Variants in DLG2 observed in about 807,000 individuals in gnomAD.
DLG2 encodes disks large homolog 2.
A neutral mutation model predicts 132.5 loss-of-function variants in DLG2; 45 were observed. That is an observed-to-expected ratio of 0.34 (90% CI 0.27 to 0.44). The LOEUF (loss-of-function observed/expected upper bound fraction) is 0.44, where lower values mean the gene tolerates loss of function less well. DLG2 is among the 20% of genes least tolerant of loss of function. The probability of loss-of-function intolerance (pLI) is 1.00; values close to 1 mark genes in which losing one functional copy is unlikely to be tolerated. For missense variants in DLG2, 1,045 were observed against 1,196.9 expected (o/e 0.87, Z 1.87); for synonymous variants, 424 against 419.6 (o/e 1.01, Z -0.13).
chr11:84,238,943 G>A (rs142253885), intron 8 of DLG2, among the ~76,000 whole-genome samples: 1 of 152,060 alleles, frequency 6.6e-6, no homozygotes, highest in Non-Finnish European at 1.5e-5. Context: ...AAACTATAAA[G>A]AGCCAATAAA....
chr11:84,447,933 G>T (rs891622227), intron 7 of DLG2, among the ~76,000 whole-genome samples: 8 of 152,240 alleles, frequency 5.3e-5, no homozygotes, highest in South Asian at 2.1e-4. Context: ...AAAATATCAA[G>T]CCAGCAGTCA....
At position 84,307,695 on chromosome 11, in the gene DLG2, C is replaced by CAAAAA. The variant is rs1222486667; in HGVS notation, c.520-56409_520-56405dup. On this transcript the variant is annotated intron_variant, in intron 7 of 27. Coordinates refer to ENST00000376104, the MANE Select transcript of DLG2 (RefSeq NM_001142699.3). Reference sequence around the variant, plus strand: ...TGGGTGAAAGAGCGAGACGCAGTCTCAAAAAAAAAAAAAAAAAAAAAGAAG... The same window carrying CAAAAA: ...TGGGTGAAAGAGCGAGACGCAGTCTCAAAAAAAAAAAAAAAAAAAAAAAAAAGAAG... 1.2e-3 allele frequency among the ~76,000 whole-genome samples: 91 copies of CAAAAA among 77,966 alleles called. 1 individual carries two copies. The highest frequency in any genetic ancestry group is 3.2e-3 in the African/African-American group (60 of 18,498). 51.1% of individuals were successfully genotyped at this position (77,966 alleles called of 152,430 possible).
At chr11:84,274,154 G>A (rs2097763293) in intron 7 of DLG2, among the ~76,000 whole-genome samples, 1 of 152,102 alleles carries the variant, frequency 6.6e-6, no homozygotes, top group South Asian at 2.1e-4. Context: ...ACAGAATTTA[G>A]GGACATATTC....
intron 9 of DLG2, among the ~76,000 whole-genome samples, chr11:84,133,891 A>C (rs564781018): frequency 6.6e-6 from 1 of 152,206 alleles, no homozygotes; most frequent in South Asian, 2.1e-4. Context: ...AGCCTGGGTA[A>C]GTCCTTGTAA....
chr11:85,595,365 ATAT>A (rs1170183790), intron 3 of DLG2, among the ~76,000 whole-genome samples: 1 of 152,166 alleles, frequency 6.6e-6, no homozygotes, highest in Admixed American at 6.5e-5. Context: ...TAATCATAAA[ATAT>A]TATGGAATTC....
intron 6 of DLG2, among the ~76,000 whole-genome samples, chr11:84,633,273 A>C (rs1194956678): frequency 6.6e-6 from 1 of 152,134 alleles, no homozygotes; most frequent in East Asian, 1.9e-4. Context: ...CTTTCCCAAC[A>C]AAATCTGAAA....
At chr11:83,912,011 C>T (rs997339544) in intron 15 of DLG2, among the ~76,000 whole-genome samples, 6 of 151,350 alleles carry the variant, frequency 4.0e-5, no homozygotes, top group African/African-American at 1.5e-4. Flanking sequence ...GAAACAGCAA[C>T]AAATAAAACA....
chr11:83,923,458 C>A (rs2078327552), intron 15 of DLG2, among the ~76,000 whole-genome samples: 2 of 152,110 alleles, frequency 1.3e-5, no homozygotes, highest in African/African-American at 2.4e-5. Flanking sequence ...AGTTCGGGCA[C>A]AATCCTTAGC....
chr11:84,666,948 T>C (rs1045945300), intron 6 of DLG2, among the ~76,000 whole-genome samples: 20 of 152,128 alleles, frequency 1.3e-4, no homozygotes, highest in African/African-American at 4.8e-4. Context: ...CATTTCATGG[T>C]AGAGAAAATT....
chr11:85,066,296 T>C (rs1198561598), intron 6 of DLG2, among the ~76,000 whole-genome samples: 1 of 151,392 alleles, frequency 6.6e-6, no homozygotes, highest in Non-Finnish European at 1.5e-5. Context: ...TGAAATTAAA[T>C]TAGCAATAAA....
intron 7 of DLG2, among the ~76,000 whole-genome samples, chr11:84,391,243 G>A (rs1324639105): frequency 4.6e-5 from 7 of 152,126 alleles, no homozygotes; most frequent in South Asian, 2.1e-4. Context: ...AGATCTTGAC[G>A]ATATATTATT....
At chr11:83,463,712 G>A (rs2090491958) in intron 26 of DLG2, among the ~76,000 whole-genome samples, 1 of 152,170 alleles carries the variant, frequency 6.6e-6, no homozygotes, top group Non-Finnish European at 1.5e-5. Context: ...CATGGCTTGA[G>A]CCCACGAGGT....
intron 3 of DLG2, among the ~76,000 whole-genome samples, chr11:85,573,268 C>T (rs916418440): frequency 2.0e-5 from 3 of 152,164 alleles, no homozygotes; most frequent in Non-Finnish European, 4.4e-5. Context: ...TAATACAACC[C>T]TCCTTCCACC....
At chr11:83,507,031 A>G (rs185363645) in intron 21 of DLG2, among the ~76,000 whole-genome samples, 45 of 152,188 alleles carry the variant, frequency 3.0e-4, no homozygotes, top group Admixed American at 1.8e-3. Flanking sequence ...CTTTTCTTTC[A>G]TCACTTTGTC....
chr11:83,768,807 A>C (rs986648592), intron 18 of DLG2, among the ~76,000 whole-genome samples: 1 of 152,188 alleles, frequency 6.6e-6, no homozygotes, highest in Non-Finnish European at 1.5e-5. Context: ...CTTCTAAAGA[A>C]GTGAGGAATA....
intron 8 of DLG2, among the ~76,000 whole-genome samples, chr11:84,184,923 C>G (rs1051537195): frequency 4.6e-5 from 7 of 151,980 alleles, no homozygotes; most frequent in African/African-American, 7.3e-5. Flanking sequence ...CTGTTCCATT[C>G]GTCTATATCT....
At chr11:83,771,897 G>GTTAATT (rs2094408251) in intron 18 of DLG2, among the ~76,000 whole-genome samples, 1 of 152,126 alleles carries the variant, frequency 6.6e-6, no homozygotes, top group Non-Finnish European at 1.5e-5. Context: ...TATGAAACTG[G>GTTAATT]TTAATTTTTG....
chr11:84,954,534 G>A (rs2051387300), intron 6 of DLG2, among the ~76,000 whole-genome samples: 1 of 152,110 alleles, frequency 6.6e-6, no homozygotes, highest in African/African-American at 2.4e-5. Context: ...ACACACTAAG[G>A]TTGGTAAATG....
chr11:85,113,268 G>T (rs1222724037), intron 5 of DLG2, among the ~76,000 whole-genome samples: 1 of 151,920 alleles, frequency 6.6e-6, no homozygotes, highest in Non-Finnish European at 1.5e-5. Flanking sequence ...TTAGTATTTT[G>T]CCTAATTCAC....
Sources: allele counts gnomAD v4.1 joint callset (sites outside exome capture counted in the v4.1 genomes callset), GRCh38; gene constraint gnomAD v4.1.1; transcripts MANE v1.5; gene names NCBI Gene and HGNC (gene_info 2026-07-23, HGNC 2026-07-21).